HTR7: variants seen among roughly 807,000 people sequenced by gnomAD.
HTR7 encodes 5-HT-7.
HTR7 carries 16 observed loss-of-function variants against 34.0 expected under a neutral mutation model. That is an observed-to-expected ratio of 0.47 (90% CI 0.32 to 0.71). The LOEUF (loss-of-function observed/expected upper bound fraction) is 0.71. Among genes scored for constraint, HTR7 ranks in the 30% least tolerant of loss-of-function variants. HTR7 has a pLI of 0.04. For synonymous variants in HTR7, 265 were observed against 260.2 expected, an observed-to-expected ratio of 1.02 and a Z score of -0.18; for missense variants, 504 against 625.5, an observed-to-expected ratio of 0.81 and a Z score of 2.07.
chr10:90,769,993 G>A (rs1322240755), intron 1 of HTR7, among the ~76,000 whole-genome samples: 1 of 152,260 alleles, frequency 6.6e-6, no homozygotes, highest in Admixed American at 6.5e-5. Context: ...GGGAGCAGCA[G>A]TGGCAGTGGC....
chr10:90,746,560 G>A (rs1244975230), intron 2 of HTR7, among the ~76,000 whole-genome samples: 4 of 152,024 alleles, frequency 2.6e-5, no homozygotes, highest in Non-Finnish European at 5.9e-5. Flanking sequence ...AAACCAACAC[G>A]CTTTCCTTTT....
intron 1 of HTR7, among the ~76,000 whole-genome samples, chr10:90,845,218 C>T (rs150681369): frequency 3.3e-5 from 5 of 152,178 alleles, no homozygotes; most frequent in East Asian, 1.9e-4. Context: ...GAACAAGGTG[C>T]GGAAGTAAGA....
intron 1 of HTR7, among the ~76,000 whole-genome samples, chr10:90,837,740 G>A (rs1459121054): frequency 6.6e-6 from 1 of 152,194 alleles, no homozygotes. Context: ...CAGGTCCTTT[G>A]ACTTCCAGGT....
At chr10:90,823,872 C>A (rs915272690) in intron 1 of HTR7, among the ~76,000 whole-genome samples, 1 of 152,160 alleles carries the variant, frequency 6.6e-6, no homozygotes, top group Admixed American at 6.5e-5. Flanking sequence ...TTCCTGCTGG[C>A]CATGGGGAAG....
chr10:90,757,562 G>A (rs927233301), intron 1 of HTR7, among the ~76,000 whole-genome samples: 2 of 151,948 alleles, frequency 1.3e-5, no homozygotes, highest in Non-Finnish European at 2.9e-5. Context: ...TCCTTTCCCC[G>A]CAACCCTACA....
At position 90,802,696 on chromosome 10, in the gene HTR7, T is replaced by G. The variant is rs35480791; in HGVS notation, c.540-53102A>C. Among the ~76,000 whole-genome samples, 659 of 152,354 alleles carry G rather than the reference T, an allele frequency of 4.3e-3. 3 individuals carry two copies. The highest frequency in any genetic ancestry group is 6.8e-3 in the South Asian group (33 of 4,832). ...TGACCTAAAACAAAGTTAAAATCCC[T>G]TGTACACTCAAACTGCCTGCTTTTG... On this transcript the variant is annotated intron_variant, in intron 1 of 3. Coordinates refer to ENST00000336152, the MANE Select transcript of HTR7 (RefSeq NM_019859.4).
intron 2 of HTR7, among the ~76,000 whole-genome samples, chr10:90,746,997 C>A (rs1844648760): frequency 1.3e-5 from 2 of 152,204 alleles, no homozygotes; most frequent in South Asian, 4.1e-4. Flanking sequence ...AGACTCTTCA[C>A]TGCCTATATA....
rs532414597 is a variant in HTR7 at position 90,802,635 on chromosome 10, A to G, written c.540-53041T>C. Among the ~76,000 whole-genome samples, 4 of 152,388 alleles carry G rather than the reference A, an allele frequency of 2.6e-5. No homozygotes were observed. In the South Asian group the frequency reaches 8.3e-4, roughly 32 times the overall value. On this transcript the variant is annotated intron_variant, in intron 1 of 3. Transcript: ENST00000336152. ...TTAAAAGAATCCGTAATAGCGTTAT[A>G]GCTAGCCTTAAAAATTCTCTTTAAA...
chr10:90,749,673 C>A lies in HTR7; in HGVS notation c.540-79G>T. 1 of 1,382,948 alleles carries A rather than the reference C, an allele frequency of 7.2e-7. No homozygotes were observed. Among genetic ancestry groups the A allele is most frequent in the Non-Finnish European group, 9.9e-7 (1 of 1,009,536 alleles). 85.7% of individuals were successfully genotyped at this position (1,382,948 alleles called of 1,614,324 possible). On this transcript the variant is annotated intron_variant, in intron 1 of 3. Transcript: ENST00000336152. The surrounding 1 kb of genome is among the most constrained non-coding windows in gnomAD (Gnocchi z 4.2). The stretch of plus-strand genomic sequence containing the variant: ...CCAAGCAAGTCCTGCCAGCCAGGTA[C>A]CAGCGCCAGTCCTCGCAACAGCCCT...
In HTR7 at chr10:90,857,434, C is replaced by G; in HGVS notation, c.238G>C (p.Glu80Gln). 6.2e-7 allele frequency: 1 copy of G among 1,614,018 alleles called. No homozygotes were observed. The highest frequency in any genetic ancestry group is 8.5e-7 in the Non-Finnish European group (1 of 1,180,028). Reference protein sequence around the residue: ...CGEQINYGRVEKVVIGSILTL... With the variant: ...CGEQINYGRVQKVVIGSILTL... ...AGGATGGAGCCGATCACAACTTTCT[C>G]GACTCTGCCGTAGTTGATCTGTTCC... The change falls in exon 1 of 4, where the codon GAG (glutamate) becomes CAG (glutamine). Residue 80 changes from glutamate (E) to glutamine (Q), a missense_variant. Around this residue, in one of 4 missense-constraint regions of HTR7, gnomAD observed 139 missense variants for 117.1 expected, o/e 1.19. Transcript: ENST00000336152. This position sits in a 1 kb window ranked among gnomAD's most constrained non-coding sequence, Gnocchi z 6.5.
In HTR7 at chr10:90,742,968, C is replaced by T. The variant is rs191705956; in HGVS notation, c.1394-440G>A. 1.4e-4 allele frequency among the ~76,000 whole-genome samples: 22 copies of T among 152,178 alleles called. 1 individual carries two copies. The East Asian group carries it at 4.3e-3, about 29-fold the overall frequency. On this transcript the variant is annotated intron_variant, in intron 3 of 3. Coordinates refer to ENST00000336152, the MANE Select transcript of HTR7 (RefSeq NM_019859.4). ...TGTGTGTAGGGACCAAGAAACTTCACTTCTCTCCCTCGTTCCTAGATGCTC... is the reference window on the plus strand; with the variant it reads ...TGTGTGTAGGGACCAAGAAACTTCATTTCTCTCCCTCGTTCCTAGATGCTC...
At chr10:90,805,808 T>C (rs1845696636) in intron 1 of HTR7, among the ~76,000 whole-genome samples, 1 of 152,188 alleles carries the variant, frequency 6.6e-6, no homozygotes, top group Non-Finnish European at 1.5e-5. Flanking sequence ...CTCTAATCAA[T>C]AGGCTTAAAG....
chr10:90,818,224 A>G (rs1845926411), intron 1 of HTR7, among the ~76,000 whole-genome samples: 1 of 152,192 alleles, frequency 6.6e-6, no homozygotes, highest in East Asian at 1.9e-4. Context: ...TTCTGCACTC[A>G]TTAATGTAAC....
chr10:90,836,378 T>C (rs770597927), intron 1 of HTR7, among the ~76,000 whole-genome samples: 7 of 152,178 alleles, frequency 4.6e-5, no homozygotes, highest in Non-Finnish European at 1.0e-4. Flanking sequence ...TGACTGGTGG[T>C]ATAACCTAAG....
intron 1 of HTR7, among the ~76,000 whole-genome samples, chr10:90,766,657 G>A (rs115381978): frequency 0.012 from 1,837 of 152,134 alleles, 30 homozygotes; most frequent in African/African-American, 0.038. Flanking sequence ...TTTTTGTAGT[G>A]GTGGTATACT....
Position 90,841,660 on chromosome 10 carries a change from T to C in HTR7, c.539+15473A>G, listed in dbSNP as rs563720806. Reference sequence around the variant, plus strand: ...AAGAGAAAATGGTCCATGGTCGACATGGTTCATAAATCATGTTCACAAAGC... The same window carrying C: ...AAGAGAAAATGGTCCATGGTCGACACGGTTCATAAATCATGTTCACAAAGC... On this transcript the variant is annotated intron_variant, in intron 1 of 3. Coordinates refer to ENST00000336152, the MANE Select transcript of HTR7 (RefSeq NM_019859.4). Among the ~76,000 whole-genome samples the C allele has an allele frequency of 6.6e-5, 10 of 152,324 alleles. No individual in the cohort carries two copies. The East Asian group carries it at 1.3e-3, about 21-fold the overall frequency.
intron 1 of HTR7, among the ~76,000 whole-genome samples, chr10:90,762,041 A>G (rs1393573245): frequency 6.6e-6 from 1 of 152,162 alleles, no homozygotes; most frequent in Non-Finnish European, 1.5e-5. Context: ...CTTGACAGAC[A>G]CTTAGATTGC....
At position 90,832,077 on chromosome 10, in the gene HTR7, A is replaced by C. The variant is rs1007974877; in HGVS notation, c.539+25056T>G. Among the ~76,000 whole-genome samples the C allele has an allele frequency of 2.0e-5, 3 of 152,212 alleles. No individual in the cohort carries two copies. The East Asian group carries it at 5.8e-4, about 29-fold the overall frequency. On this transcript the variant is annotated intron_variant, in intron 1 of 3. Coordinates refer to ENST00000336152, the MANE Select transcript of HTR7 (RefSeq NM_019859.4). ...CCTTAGCTAGACATAAAGATTCTCC[A>C]AGTCCCCATCAGACTCAGGAGCCCA...
At chr10:90,753,992 T>G (rs1376578289) in intron 1 of HTR7, among the ~76,000 whole-genome samples, 1 of 152,086 alleles carries the variant, frequency 6.6e-6, no homozygotes, top group Non-Finnish European at 1.5e-5. Flanking sequence ...TTACCTGAGA[T>G]GAAGAAATTT....
Sources: gnomAD v4.1 joint callset for allele counts (sites outside exome capture counted in the v4.1 genomes callset) on GRCh38, gnomAD v4.1.1 for gene constraint, gnomAD v4.1.1 regional missense constraint, Gnocchi (gnomAD v3.1) non-coding constraint, MANE v1.5 for transcripts, NCBI Gene and HGNC (gene_info 2026-07-23, HGNC 2026-07-21) for gene names.